ASIC2: variants seen among roughly 807,000 people sequenced by gnomAD.
ASIC2 encodes acid sensing ion channel subunit 2, also known as acid-sensing ion channel 2.
In ASIC2, 25 loss-of-function variants were observed where a neutral mutation model predicts 57.3. The ratio of observed to expected loss-of-function variants is 0.44; its 90% CI spans 0.32 to 0.61. ASIC2 has a LOEUF of 0.61. Ranked by LOEUF, ASIC2 falls within the 20% of genes least tolerant of loss-of-function variation. ASIC2 has a pLI of 0.06. For synonymous variants in ASIC2, 319 were observed against 307.5 expected (o/e 1.04, Z -0.39); for missense variants, 641 against 738.1 (o/e 0.87, Z 1.52).
chr17:33,301,731 G>A (rs552841249), intron 1 of ASIC2, among the ~76,000 whole-genome samples: 1 of 152,122 alleles, frequency 6.6e-6, no homozygotes, highest in African/African-American at 2.4e-5. Flanking sequence ...GCTTTATCAG[G>A]GATGAGCACA....
At chr17:33,667,352 G>A (rs577956476) in intron 1 of ASIC2, among the ~76,000 whole-genome samples, 1 of 152,332 alleles carries the variant, frequency 6.6e-6, no homozygotes, top group Admixed American at 6.5e-5. Context: ...GTGCTTTGTG[G>A]TTATTGTTAA....
At chr17:33,579,274 G>A (rs1173945694) in intron 1 of ASIC2, among the ~76,000 whole-genome samples, 3 of 119,330 alleles carry the variant, frequency 2.5e-5, no homozygotes, top group South Asian at 2.8e-4. Context: ...TAGCACGAAT[G>A]AAACTGTGTC....
intron 1 of ASIC2, among the ~76,000 whole-genome samples, chr17:33,795,140 A>G (rs1236593600): frequency 6.6e-6 from 1 of 152,228 alleles, no homozygotes; most frequent in Non-Finnish European, 1.5e-5. Flanking sequence ...TTACAGAGAA[A>G]CCATGAAGAC....
intron 1 of ASIC2, among the ~76,000 whole-genome samples, chr17:34,116,598 A>G (rs566055277): frequency 3.6e-4 from 55 of 152,044 alleles, no homozygotes; most frequent in Non-Finnish European, 6.3e-4. Flanking sequence ...ATTTCTTACC[A>G]ATCAGCTTTC....
At chr17:33,296,970 G>T (rs2142189600), upstream of ASIC2, among the ~76,000 whole-genome samples, 1 of 152,310 alleles carries the variant, frequency 6.6e-6, no homozygotes, top group South Asian at 2.1e-4. Context: ...GGAACATCTT[G>T]CTGTGTTTAA....
chr17:33,816,751 AC>A (rs1912595380), intron 1 of ASIC2: 1 of 152,198 alleles, frequency 6.6e-6, no homozygotes. Context: ...GAAGAGGCGA[AC>A]CTTTCCCATC....
chr17:33,034,576 G>C (rs185061137), intron 3 of ASIC2, among the ~76,000 whole-genome samples: 461 of 152,104 alleles, frequency 3.0e-3, no homozygotes, highest in Non-Finnish European at 5.7e-3. Context: ...TGTTATTTTT[G>C]AAACATTTTG....
chr17:33,191,230 G>C (rs1802638292), intron 1 of ASIC2, among the ~76,000 whole-genome samples: 1 of 152,168 alleles, frequency 6.6e-6, no homozygotes. Flanking sequence ...AGACAAGAAA[G>C]AGACAACATT....
At chr17:33,483,184 C>T (rs1423832787) in intron 1 of ASIC2, among the ~76,000 whole-genome samples, 3 of 152,190 alleles carry the variant, frequency 2.0e-5, no homozygotes, top group Non-Finnish European at 4.4e-5. Context: ...TCCTTCCATC[C>T]CTGATTAATA....
chr17:34,103,806 T>C (rs925955636), intron 1 of ASIC2, among the ~76,000 whole-genome samples: 2 of 152,224 alleles, frequency 1.3e-5, no homozygotes, highest in Non-Finnish European at 2.9e-5. Flanking sequence ...TCTGCTGCAG[T>C]GATTGATGTG....
At chr17:33,897,058 A>T (rs1915116283) in intron 1 of ASIC2, among the ~76,000 whole-genome samples, 1 of 152,186 alleles carries the variant, frequency 6.6e-6, no homozygotes, top group Non-Finnish European at 1.5e-5. Context: ...TCCCCAAAAG[A>T]TGTCCATGGG....
chr17:33,186,152 C>G (rs1029429409), intron 1 of ASIC2, among the ~76,000 whole-genome samples: 1 of 151,982 alleles, frequency 6.6e-6, no homozygotes, highest in Non-Finnish European at 1.5e-5. Flanking sequence ...GCTTTGTTTC[C>G]CAGGCTGGAG....
intron 1 of ASIC2, among the ~76,000 whole-genome samples, chr17:33,722,253 G>A (rs1909410479): frequency 6.6e-6 from 1 of 152,178 alleles, no homozygotes; most frequent in Admixed American, 6.5e-5. Context: ...CTGCCACCAT[G>A]TAAGATGTGA....
At chr17:33,408,987 G>A (rs748185775) in intron 1 of ASIC2, among the ~76,000 whole-genome samples, 2 of 152,220 alleles carry the variant, frequency 1.3e-5, no homozygotes, top group African/African-American at 2.4e-5. Flanking sequence ...GCTGAGGTGG[G>A]TGGATCGTTT....
At chr17:33,311,690 G>T (rs1906431943) in intron 1 of ASIC2, among the ~76,000 whole-genome samples, 1 of 152,190 alleles carries the variant, frequency 6.6e-6, no homozygotes, top group African/African-American at 2.4e-5. Context: ...TAGGAGTGGG[G>T]TGGCAGGTAT....
At chr17:33,332,011 T>A (rs1484719191) in intron 1 of ASIC2, among the ~76,000 whole-genome samples, 1 of 152,208 alleles carries the variant, frequency 6.6e-6, no homozygotes, top group Non-Finnish European at 1.5e-5. Context: ...CATAGAACAT[T>A]AGTGTTTTTT....
rs1567806007 is a variant in ASIC2, at chr17:33,272,048, GC to G, written c.708+19359del. ...AGAGACTTGGCACTGTATCTCTTCTGCCCAGAGCACCTTGCCTCTAGGTCTT... is the reference window on the plus strand; with the variant it reads ...AGAGACTTGGCACTGTATCTCTTCTGCCAGAGCACCTTGCCTCTAGGTCTT... On this transcript the variant is annotated intron_variant, in intron 1 of 9. Coordinates refer to ENST00000225823, the MANE Select transcript of ASIC2 (RefSeq NM_183377.2). Among the ~76,000 whole-genome samples the G allele has an allele frequency of 2.3e-5, 3 of 133,222 alleles. No individual in the cohort carries two copies. The East Asian group carries it at 7.1e-4, about 31-fold the overall frequency. The allele number at this position is 133,222 out of a possible 152,430, so 87.4% of individuals were successfully genotyped here. A position where few individuals can be genotyped will look rare whatever the true frequency, so the allele number is the denominator to read the frequency against.
intron 2 of ASIC2, among the ~76,000 whole-genome samples, chr17:33,109,980 C>G (rs1265688136): frequency 6.6e-6 from 1 of 152,150 alleles, no homozygotes; most frequent in Non-Finnish European, 1.5e-5. Flanking sequence ...AAGGCCATAT[C>G]CCACAGGGAA....
chr17:33,506,704 C>T (rs1417709002), intron 1 of ASIC2, among the ~76,000 whole-genome samples: 2 of 152,102 alleles, frequency 1.3e-5, no homozygotes, highest in African/African-American at 4.8e-5. Flanking sequence ...TACTTTGCAC[C>T]CATGTGCCTT....
Sources: allele counts gnomAD v4.1 joint callset (sites outside exome capture counted in the v4.1 genomes callset), GRCh38; gene constraint gnomAD v4.1.1; transcripts MANE v1.5; gene names NCBI Gene and HGNC (gene_info 2026-07-23, HGNC 2026-07-21).